The following HSF2BP variants were observed in gnomAD, a reference collection of about 807,000 sequenced individuals.
HSF2BP encodes the protein heat shock transcription factor 2 binding protein.
HSF2BP carries 35 observed loss-of-function variants against 35.0 expected under a neutral mutation model. The observed-to-expected ratio is 1.00, with a 90% confidence interval of 0.76 to 1.32. HSF2BP has a LOEUF of 1.32. Among genes scored for constraint, HSF2BP ranks in the 40% most tolerant of loss-of-function variants. The pLI is 0.00. For synonymous variants in HSF2BP, 114 were observed against 117.4 expected (o/e 0.97, Z 0.18); for missense variants, 326 against 321.7 (o/e 1.01, Z -0.10).
At chr21:43,604,775 C>A (rs1390396408) in intron 7 of HSF2BP, among the ~76,000 whole-genome samples, 2 of 134,898 alleles carry the variant, frequency 1.5e-5, no homozygotes, top group Non-Finnish European at 3.2e-5. Flanking sequence ...CACTCGCATG[C>A]CACACCACAC....
intron 4 of HSF2BP, 141 bp from the exon 5 acceptor site, chr21:43,633,562 TA>T: frequency 1.3e-6 from 1 of 770,374 alleles, no homozygotes; most frequent in South Asian, 2.1e-5. Flanking sequence ...AAGCTAGTCC[TA>T]AGAGAACCAT....
intron 8 of HSF2BP, among the ~76,000 whole-genome samples, chr21:43,589,583 C>A (rs928823933): frequency 3.9e-5 from 6 of 152,026 alleles, no homozygotes; most frequent in Admixed American, 2.0e-4. Flanking sequence ...CAAAGTTGGA[C>A]GACTTATACT....
the HSF2BP span, among the ~76,000 whole-genome samples, chr21:43,497,319 C>T: frequency 8.6e-6 from 1 of 116,124 alleles, no homozygotes; most frequent in Non-Finnish European, 1.9e-5. Flanking sequence ...TCAAATAGTG[C>T]TGGGAAAATT....
intron 4 of HSF2BP, among the ~76,000 whole-genome samples, chr21:43,637,073 G>A (rs2082572403): frequency 6.6e-6 from 1 of 152,042 alleles, no homozygotes; most frequent in African/African-American, 2.4e-5. Context: ...CAGATCACTT[G>A]GGGCCAGGAG....
At chr21:43,585,645 C>CA (rs111309484) in intron 8 of HSF2BP, among the ~76,000 whole-genome samples, 6,054 of 114,650 alleles carry the variant, frequency 0.053, 141 homozygotes, top group Middle Eastern at 0.092. Flanking sequence ...GACTCTGTCT[C>CA]AAAAAAAAAA....
the HSF2BP span, among the ~76,000 whole-genome samples, chr21:43,495,554 C>G: frequency 9.1e-6 from 1 of 110,424 alleles, no homozygotes. Flanking sequence ...CCAAAGTCAT[C>G]GGCTCATATC....
At chr21:43,613,742 T>G (rs2082236770) in intron 7 of HSF2BP, 88 bp downstream of exon 7, 1 of 899,982 alleles carries the variant, frequency 1.1e-6, no homozygotes, top group Admixed American at 2.1e-5. Context: ...ACCACCAAAA[T>G]TAACTGTGTT....
At chr21:43,581,791 C>T (rs1288151646) in intron 8 of HSF2BP, among the ~76,000 whole-genome samples, 2 of 135,706 alleles carry the variant, frequency 1.5e-5, no homozygotes, top group Non-Finnish European at 3.2e-5. Context: ...CCAAGTCTCA[C>T]CTTAGCCAGT....
chr21:43,638,719 A>G (rs1174333100), intron 4 of HSF2BP, among the ~76,000 whole-genome samples: 9 of 152,238 alleles, frequency 5.9e-5, no homozygotes, highest in Admixed American at 4.6e-4. Context: ...CATAGTAAAG[A>G]TATCAATTCT....
intron 6 of HSF2BP, among the ~76,000 whole-genome samples, chr21:43,628,483 G>A (rs1198174142): frequency 6.6e-6 from 1 of 152,234 alleles, no homozygotes; most frequent in African/African-American, 2.4e-5. Context: ...CAGGGGTAAG[G>A]AAGCTGCAGA....
At chr21:43,605,014 C>T (rs1242240733) in intron 7 of HSF2BP, among the ~76,000 whole-genome samples, 2 of 147,098 alleles carry the variant, frequency 1.4e-5, no homozygotes, top group African/African-American at 5.0e-5. Flanking sequence ...TCAGACACCA[C>T]ACACACATCA....
At position 43,658,110 on chromosome 21, in the gene HSF2BP, T is replaced by G; in HGVS notation, c.-14A>C. 1 of 1,528,226 alleles carries G rather than the reference T, an allele frequency of 6.5e-7. No individual in the cohort carries two copies. Among genetic ancestry groups the G allele is most frequent in the South Asian group, 1.2e-5 (1 of 83,414 alleles). The allele number at this position is 1,528,226 out of a possible 1,614,324, so 94.7% of individuals were successfully genotyped here. The stretch of plus-strand genomic sequence containing the variant: ...CGCTTCGCCCATGGCCGCTGCCGCC[T>G]CCGCTCCGTTCGCCTGAGCGTCGGC... On this transcript the variant is annotated 5_prime_UTR_variant, in exon 2 of 9. Transcript: ENST00000291560.
At chr21:43,468,029 C>G in the HSF2BP span, among the ~76,000 whole-genome samples, 2 of 134,808 alleles carry the variant, frequency 1.5e-5, no homozygotes, top group South Asian at 2.5e-4. Flanking sequence ...ACACACAGCA[C>G]ACACCACACC....
intron 8 of HSF2BP, among the ~76,000 whole-genome samples, chr21:43,588,430 C>G (rs1191821512): frequency 6.6e-6 from 1 of 152,002 alleles, no homozygotes; most frequent in African/African-American, 2.4e-5. Context: ...AGGCTTCCAC[C>G]CGAGACATGT....
rs1195421258 is a variant in HSF2BP at position 43,597,410 on chromosome 21, G to A, written c.693-5082C>T. Among the ~76,000 whole-genome samples, 1 of 152,032 alleles carries A rather than the reference G, an allele frequency of 6.6e-6. No individual in the cohort carries two copies. The highest frequency in any genetic ancestry group is 6.5e-5 in the Admixed American group (1 of 15,280). On this transcript the variant is annotated intron_variant, in intron 7 of 8. Transcript: ENST00000291560. This position sits in a 1 kb window ranked among gnomAD's most constrained non-coding sequence, Gnocchi z 4.3. ...TGAGGAGAGTAAGCCACTTGCTTTG[G>A]GTGTAAATTTAAGGGAGTATCAAAA...
At chr21:43,658,364 T>C in intron 1 of HSF2BP, 44 bp from the exon 2 acceptor site, 1 of 511,876 alleles carries the variant, frequency 2.0e-6, no homozygotes, top group Non-Finnish European at 3.4e-6. Flanking sequence ...AAGTGTCAAG[T>C]AAAATAAATC....
intron 4 of HSF2BP, among the ~76,000 whole-genome samples, chr21:43,634,812 G>C (rs988190524): frequency 1.3e-5 from 2 of 152,190 alleles, no homozygotes; most frequent in Non-Finnish European, 2.9e-5. Context: ...TGGACTCCTA[G>C]ATTCATCCTT....
chr21:43,623,991 A>G (rs1034095986), intron 6 of HSF2BP, among the ~76,000 whole-genome samples: 4 of 152,162 alleles, frequency 2.6e-5, no homozygotes, highest in Non-Finnish European at 5.9e-5. Flanking sequence ...ACTCCTGCAC[A>G]CCTAGAAAAA....
chr21:43,576,045 G>A lies in HSF2BP; in HGVS notation c.796+16180C>T, dbSNP rs2081639711. 2.0e-5 allele frequency among the ~76,000 whole-genome samples: 3 copies of A among 151,684 alleles called. No individual in the cohort carries two copies. The South Asian group carries it at 6.2e-4, about 32-fold the overall frequency. On this transcript the variant is annotated intron_variant, in intron 8 of 8. Transcript: ENST00000291560. ...AGGCAGGAGAATCCCTTGAACTTGG[G>A]AGGCAGAGGTTGCAGTAAGCCAAGA... is the stretch of plus-strand genomic sequence containing the variant.
Sources: allele counts gnomAD v4.1 joint callset (sites outside exome capture counted in the v4.1 genomes callset), GRCh38; gene constraint gnomAD v4.1.1; non-coding constraint Gnocchi (gnomAD v3.1); transcripts MANE v1.5; gene names NCBI Gene and HGNC (gene_info 2026-07-23, HGNC 2026-07-21).